The following RFX8 variants were observed in gnomAD, a reference collection of about 807,000 sequenced individuals.
RFX8 encodes regulatory factor X8, also known as DNA-binding protein RFX8.
A neutral mutation model predicts 54.6 loss-of-function variants in RFX8; 46 were observed. That is an observed-to-expected ratio of 0.84 (90% CI 0.67 to 1.08). The LOEUF (loss-of-function observed/expected upper bound fraction) is 1.08. RFX8 is among the 50% of genes least tolerant of loss of function. The pLI, the probability that RFX8 is intolerant of heterozygous loss-of-function variation, is 0.00. For synonymous variants in RFX8, 192 were observed against 209.5 expected, an observed-to-expected ratio of 0.92 and a Z score of 0.72; for missense variants, 536 against 562.3, an observed-to-expected ratio of 0.95 and a Z score of 0.47.
intron 2 of RFX8, among the ~76,000 whole-genome samples, chr2:101,446,420 C>T (rs942947053): frequency 5.0e-5 from 6 of 120,578 alleles, no homozygotes; most frequent in Admixed American, 2.3e-4. Flanking sequence ...GTGATCCACT[C>T]GCCTTGGTCT....
rs1689810348 is a variant in RFX8, at chr2:101,469,096, A to ATATATATG, written c.-52-2197_-52-2196insCATATATA. Among the ~76,000 whole-genome samples the ATATATATG allele has an allele frequency of 4.4e-5, 5 of 113,462 alleles. 1 individual carries two copies. The highest frequency in any genetic ancestry group is 2.1e-4 in the African/African-American group (5 of 24,312). The allele number at this position is 113,462 out of a possible 152,430, so 74.4% of individuals were successfully genotyped here. On this transcript the variant is annotated intron_variant, in intron 1 of 11. Coordinates refer to ENST00000428343, the MANE Select transcript of RFX8 (RefSeq NM_001145664.2). ...TATATATAAGTGTATATATATAAGT[A>ATATATATG]TATATATATAAGTGTATATATATAT...
intron 1 of RFX8, among the ~76,000 whole-genome samples, chr2:101,469,130 A>G (rs1415275590): frequency 7.5e-6 from 1 of 133,914 alleles, no homozygotes; most frequent in Non-Finnish European, 1.5e-5. Flanking sequence ...ATAAGTATAT[A>G]TATATAAGTA....
chr2:101,416,766 G>A (rs562644213), intron 6 of RFX8, among the ~76,000 whole-genome samples: 1 of 152,146 alleles, frequency 6.6e-6, no homozygotes, highest in Non-Finnish European at 1.5e-5. Flanking sequence ...GGGACACAAA[G>A]AGGATAGATT....
chr2:101,401,068 G>A (rs1476639908), intron 11 of RFX8, among the ~76,000 whole-genome samples: 1 of 152,098 alleles, frequency 6.6e-6, no homozygotes, highest in East Asian at 1.9e-4. Flanking sequence ...ATCCTTCATC[G>A]ACCATGTCTG....
intron 2 of RFX8, among the ~76,000 whole-genome samples, chr2:101,436,789 GCT>G (rs1176974727): frequency 1.1e-4 from 16 of 152,184 alleles, no homozygotes; most frequent in Admixed American, 3.3e-4. Context: ...GGGGGGCAGC[GCT>G]CTGGTCCTCT....
chr2:101,425,075 T>A (rs887181825), intron 2 of RFX8, among the ~76,000 whole-genome samples: 8 of 151,658 alleles, frequency 5.3e-5, no homozygotes, highest in African/African-American at 1.7e-4. Context: ...TGTATGTGGG[T>A]ATGGGTGATG....
chr2:101,454,424 G>A (rs1468411685), intron 2 of RFX8, among the ~76,000 whole-genome samples: 4 of 152,268 alleles, frequency 2.6e-5, no homozygotes, highest in African/African-American at 7.2e-5. Context: ...TAATGGGATC[G>A]CTGGGTCAAA....
At chr2:101,403,637 A>G (rs1471072187) in intron 10 of RFX8, among the ~76,000 whole-genome samples, 1 of 152,034 alleles carries the variant, frequency 6.6e-6, no homozygotes, top group Admixed American at 6.5e-5. Flanking sequence ...AATACAAAAA[A>G]TTAGCCGGGC....
chr2:101,419,366 G>C (rs1686724413), intron 4 of RFX8, among the ~76,000 whole-genome samples: 1 of 152,138 alleles, frequency 6.6e-6, no homozygotes, highest in African/African-American at 2.4e-5. Flanking sequence ...AGGTGTGATA[G>C]TACTTAATCT....
At chr2:101,424,229 C>T (rs980600970) in intron 2 of RFX8, among the ~76,000 whole-genome samples, 1 of 152,168 alleles carries the variant, frequency 6.6e-6, no homozygotes, top group Non-Finnish European at 1.5e-5. Flanking sequence ...GAAGATGGGT[C>T]TTCTTGACAT....
Position 101,442,478 on chromosome 2 carries a change from T to G in RFX8, c.73-20006A>C, listed in dbSNP as rs193263153. 3.7e-4 allele frequency among the ~76,000 whole-genome samples: 56 copies of G among 152,298 alleles called. 1 individual carries two copies. The East Asian group carries it at 9.4e-3, about 26-fold the overall frequency. ...TGCCTGGGAATATTTTTATTTCCCT[T>G]TCATTCCTGAAAATAAATTTGCTGG... On this transcript the variant is annotated intron_variant, in intron 2 of 11. Coordinates refer to ENST00000428343, the MANE Select transcript of RFX8 (RefSeq NM_001145664.2).
intron 2 of RFX8, among the ~76,000 whole-genome samples, chr2:101,429,745 T>C (rs529297045): frequency 1.3e-5 from 2 of 152,246 alleles, no homozygotes; most frequent in African/African-American, 4.8e-5. Flanking sequence ...CACATCCTCA[T>C]GCCTGATGGT....
intron 9 of RFX8, 58 bp from the exon 10 acceptor site, chr2:101,406,115 T>A: frequency 9.9e-7 from 1 of 1,006,692 alleles, no homozygotes; most frequent in Non-Finnish European, 1.5e-6. Flanking sequence ...AGAAGCATAG[T>A]ATGTTTTCAA....
intron 2 of RFX8, among the ~76,000 whole-genome samples, chr2:101,454,596 G>T (rs1351902522): frequency 6.6e-6 from 1 of 152,180 alleles, no homozygotes; most frequent in Admixed American, 6.5e-5. Context: ...ATTCTAACCA[G>T]CGTAAGATGA....
intron 2 of RFX8, among the ~76,000 whole-genome samples, chr2:101,426,158 A>AAT (rs1204080253): frequency 2.0e-5 from 3 of 152,198 alleles, no homozygotes; most frequent in African/African-American, 7.2e-5. Flanking sequence ...ATATCCAGAA[A>AAT]ATATATACAT....
chr2:101,405,917 A>G (rs996533712), intron 10 of RFX8, 26 bp downstream of exon 10: 18 of 1,394,646 alleles, frequency 1.3e-5, no homozygotes, highest in Middle Eastern at 1.8e-4. Context: ...GTAGAATACA[A>G]AATACTTTCT....
intron 2 of RFX8, among the ~76,000 whole-genome samples, chr2:101,425,176 A>G (rs1687104929): frequency 6.6e-6 from 1 of 152,158 alleles, no homozygotes; most frequent in African/African-American, 2.4e-5. Flanking sequence ...GGAATCCTCA[A>G]TTTCAGCTCT....
At chr2:101,410,355 A>G (rs1573364452) in intron 9 of RFX8, among the ~76,000 whole-genome samples, 3 of 149,448 alleles carry the variant, frequency 2.0e-5, no homozygotes, top group African/African-American at 7.5e-5. Flanking sequence ...TCGCCCCTCC[A>G]CACACACTCC....
intron 2 of RFX8, among the ~76,000 whole-genome samples, chr2:101,433,779 G>T (rs1229526782): frequency 6.6e-6 from 1 of 152,128 alleles, no homozygotes; most frequent in Non-Finnish European, 1.5e-5. Context: ...TACTTGTTCC[G>T]TGTCAGATTT....
Sources: gnomAD v4.1 joint callset for allele counts (sites outside exome capture counted in the v4.1 genomes callset) on GRCh38, gnomAD v4.1.1 for gene constraint, MANE v1.5 for transcripts, NCBI Gene and HGNC (gene_info 2026-07-23, HGNC 2026-07-21) for gene names.